The following ALPK1 variants were observed in gnomAD, a reference collection of about 807,000 sequenced individuals.
ALPK1 encodes alpha kinase 1.
A neutral mutation model predicts 120.6 loss-of-function variants in ALPK1; 110 were observed. The ratio of observed to expected loss-of-function variants is 0.91; its 90% CI spans 0.78 to 1.07. The LOEUF (loss-of-function observed/expected upper bound fraction) is 1.07, where lower values mean the gene tolerates loss of function less well. Among genes scored for constraint, ALPK1 ranks in the 50% least tolerant of loss-of-function variants. The probability of loss-of-function intolerance (pLI) is 0.00; values close to 1 mark genes in which losing one functional copy is unlikely to be tolerated. For missense variants in ALPK1, 1,498 were observed against 1,483.9 expected (o/e 1.01, Z -0.16); for synonymous variants, 582 against 560.3 (o/e 1.04, Z -0.55).
chr4:112,361,636 C>T (rs1730916679), intron 2 of ALPK1, among the ~76,000 whole-genome samples: 1 of 152,202 alleles, frequency 6.6e-6, no homozygotes, highest in Non-Finnish European at 1.5e-5. Flanking sequence ...ACTACCTTCC[C>T]TGGTAGGGAA....
At chr4:112,383,864 T>TTAGCC (rs1732035633) in intron 4 of ALPK1, 1 of 152,242 alleles carries the variant, frequency 6.6e-6, no homozygotes, top group South Asian at 2.1e-4. Context: ...ATAGCTTAGC[T>TTAGCC]TAGCCTACCT....
At chr4:112,422,280 G>T (rs1437415532) in intron 5 of ALPK1, among the ~76,000 whole-genome samples, 1 of 152,168 alleles carries the variant, frequency 6.6e-6, no homozygotes, top group East Asian at 1.9e-4. Flanking sequence ...AGGGAAACTG[G>T]GGACAGAGGG....
intron 2 of ALPK1, chr4:112,359,857 G>T: frequency 3.0e-6 from 1 of 328,888 alleles, no homozygotes; most frequent in South Asian, 2.6e-5. Flanking sequence ...AGCGTGGCTT[G>T]ATCACCTGCC....
intron 4 of ALPK1, among the ~76,000 whole-genome samples, chr4:112,397,983 A>G (rs1456889932): frequency 6.6e-6 from 1 of 152,202 alleles, no homozygotes; most frequent in Non-Finnish European, 1.5e-5. Context: ...AATAAAGTCT[A>G]TGATGACAAA....
At chr4:112,356,478 T>A (rs1730619513) in intron 2 of ALPK1, 2 of 955,286 alleles carry the variant, frequency 2.1e-6, no homozygotes, top group Non-Finnish European at 3.4e-6. Flanking sequence ...TAGGACCCAC[T>A]CGCAACTCAC....
intron 2 of ALPK1, chr4:112,352,975 T>TC (rs1448219211): frequency 6.8e-6 from 1 of 147,308 alleles, no homozygotes; most frequent in East Asian, 2.0e-4. Flanking sequence ...CCTTTCCTTT[T>TC]TTTTTTTTTT....
In ALPK1 at chr4:112,303,590, T is replaced by C. The variant is rs1370642439; in HGVS notation, c.-153+6121T>C. On this transcript the variant is annotated intron_variant, in intron 1 of 15. Transcript: ENST00000650871. ...ACCATACCGTGATCTCCTCCGTCTC[T>C]AGTCTGGGTGCAGGGCTGTTTTTGA... Among the ~76,000 whole-genome samples, 3 of 152,222 alleles carry C rather than the reference T, an allele frequency of 2.0e-5. No individual in the cohort carries two copies. In the East Asian group the frequency reaches 5.8e-4, roughly 29 times the overall value.
At chr4:112,347,035 T>C (rs560802126) in intron 2 of ALPK1, among the ~76,000 whole-genome samples, 31 of 152,358 alleles carry the variant, frequency 2.0e-4, no homozygotes, top group African/African-American at 7.2e-4. Flanking sequence ...TCTGGACTTA[T>C]ATTGTAGCTC....
Position 112,431,596 on chromosome 4 carries a change from C to T in ALPK1, c.2049C>T (p.Phe683=). 6.2e-7 allele frequency: 1 copy of T among 1,614,218 alleles called. No homozygotes were observed. The highest frequency in any genetic ancestry group is 8.5e-7 in the Non-Finnish European group (1 of 1,180,030). The change falls in exon 11 of 16, where the codon TTC becomes TTT. Residue 683 remains phenylalanine, a synonymous_variant. Coordinates refer to ENST00000650871, the MANE Select transcript of ALPK1 (RefSeq NM_025144.4). ...PFSPHNTPGI[F]LAPGAGLLEG... Reference sequence around the variant, plus strand: ...CGCCTCATAATACCCCAGGCATTTTCTTGGCCCCTGGTGCAGGGCTTCTAG... The same window carrying T: ...CGCCTCATAATACCCCAGGCATTTTTTTGGCCCCTGGTGCAGGGCTTCTAG...
At chr4:112,320,841 C>T (rs999669853) in intron 2 of ALPK1, among the ~76,000 whole-genome samples, 1 of 151,412 alleles carries the variant, frequency 6.6e-6, no homozygotes, top group South Asian at 2.1e-4. Context: ...TTTTCAGTAG[C>T]CTTGAATGAT....
chr4:112,311,395 T>G (rs1433832625), intron 1 of ALPK1, among the ~76,000 whole-genome samples: 1 of 152,242 alleles, frequency 6.6e-6, no homozygotes, highest in Non-Finnish European at 1.5e-5. Flanking sequence ...TACAGTTTTA[T>G]GAGTTGACTA....
At chr4:112,389,791 C>T (rs1357352706) in intron 4 of ALPK1, among the ~76,000 whole-genome samples, 3 of 152,208 alleles carry the variant, frequency 2.0e-5, no homozygotes, top group Non-Finnish European at 2.9e-5. Flanking sequence ...CTCTTCCCTG[C>T]TCTCAAATAA....
chr4:112,357,676 C>T (rs1730703623), intron 2 of ALPK1: 17 of 1,598,676 alleles, frequency 1.1e-5, no homozygotes, highest in Admixed American at 1.7e-5. Flanking sequence ...CCCCAGAGGC[C>T]CCGACGGAGC....
At chr4:112,349,279 G>A (rs1227468631) in intron 2 of ALPK1, among the ~76,000 whole-genome samples, 5 of 152,118 alleles carry the variant, frequency 3.3e-5, no homozygotes. Flanking sequence ...TCAGGAACCT[G>A]AAGACTTTGC....
At position 112,414,368 on chromosome 4, in the gene ALPK1, A is replaced by G. The variant is rs1427367292; in HGVS notation, c.475+2343A>G. 7 of 456,722 alleles carry G rather than the reference A, an allele frequency of 1.5e-5. No individual in the cohort carries two copies. The Admixed American group carries it at 1.6e-4, about 11-fold the overall frequency. The allele number at this position is 456,722 out of a possible 1,614,324, so 28.3% of individuals were successfully genotyped here. A position where few individuals can be genotyped will look rare whatever the true frequency, so the allele number is the denominator to read the frequency against. The stretch of plus-strand genomic sequence containing the variant: ...ATGCCTGTAATCCCAGCACTTTGGG[A>G]GGCCGAAGCGGGTGGATCACCTGAA... On this transcript the variant is annotated intron_variant, in intron 5 of 15. Coordinates refer to ENST00000650871, the MANE Select transcript of ALPK1 (RefSeq NM_025144.4).
At chr4:112,313,579 C>T (rs11938060) in intron 1 of ALPK1, among the ~76,000 whole-genome samples, 45,341 of 151,986 alleles carry the variant, frequency 0.3, 7,201 homozygotes, top group African/African-American at 0.39. Context: ...AAAAATTAGT[C>T]GGATATGGTG....
rs758438608 is a variant in ALPK1 at position 112,377,766 on chromosome 4, A to G, written c.-12A>G. On this transcript the variant is annotated 5_prime_UTR_variant, in exon 3 of 16. Transcript: ENST00000650871. ...CCCTAGACCCAGGGACACCCAATTCATCGTAATCATCATGAATAATCAAAA... is the reference window on the plus strand; with the variant it reads ...CCCTAGACCCAGGGACACCCAATTCGTCGTAATCATCATGAATAATCAAAA... 6 of 1,603,290 alleles carry G rather than the reference A, an allele frequency of 3.7e-6. No homozygotes were observed. Among genetic ancestry groups the G allele is most frequent in the Non-Finnish European group, 5.1e-6 (6 of 1,172,306 alleles).
At chr4:112,426,323 C>CA (rs1734230317) in intron 7 of ALPK1, 144 bp from the exon 8 acceptor site, 1 of 497,446 alleles carries the variant, frequency 2.0e-6, no homozygotes, top group South Asian at 4.2e-5. Context: ...ATTGCTGTGT[C>CA]AATCTAATCT....
intron 1 of ALPK1, among the ~76,000 whole-genome samples, chr4:112,301,768 A>C (rs186432519): frequency 5.4e-4 from 82 of 152,162 alleles, no homozygotes; most frequent in African/African-American, 1.7e-3. Context: ...TATTTATTTG[A>C]CAGGGTCTCA....
Sources: gnomAD v4.1 joint callset for allele counts (sites outside exome capture counted in the v4.1 genomes callset) on GRCh38, gnomAD v4.1.1 for gene constraint, MANE v1.5 for transcripts, NCBI Gene and HGNC (gene_info 2026-07-23, HGNC 2026-07-21) for gene names.